CTNNA2: variants seen among roughly 807,000 people sequenced by gnomAD.
CTNNA2 encodes catenin alpha-2.
In CTNNA2, 42 loss-of-function variants were observed where a neutral mutation model predicts 101.0. The ratio of observed to expected loss-of-function variants is 0.42; its 90% CI spans 0.32 to 0.54. The LOEUF (loss-of-function observed/expected upper bound fraction) is 0.54, where lower values mean the gene tolerates loss of function less well. Among genes scored for constraint, CTNNA2 ranks in the 20% least tolerant of loss-of-function variants. The probability of loss-of-function intolerance (pLI) is 0.14; values close to 1 mark genes in which losing one functional copy is unlikely to be tolerated. For synonymous variants in CTNNA2, 450 were observed against 456.4 expected, an observed-to-expected ratio of 0.99 and a Z score of 0.18; for missense variants, 871 against 1,223.1, an observed-to-expected ratio of 0.71 and a Z score of 4.29.
intron 7 of CTNNA2, among the ~76,000 whole-genome samples, chr2:79,987,283 C>T (rs1008486090): frequency 5.3e-5 from 8 of 152,158 alleles, no homozygotes; most frequent in Admixed American, 1.3e-4. Flanking sequence ...TCACACTTCC[C>T]GTGTTCCTCC....
intron 9 of CTNNA2, among the ~76,000 whole-genome samples, chr2:80,528,700 T>C (rs1558552048): frequency 2.6e-5 from 4 of 151,936 alleles, no homozygotes. Context: ...AATAAATAAA[T>C]AAAAATAAAA....
intron 3 of CTNNA2, among the ~76,000 whole-genome samples, chr2:79,821,645 C>T (rs1308073347): frequency 6.6e-6 from 1 of 152,148 alleles, no homozygotes; most frequent in African/African-American, 2.4e-5. Flanking sequence ...ATTTTTACTG[C>T]ATGTCAAATA....
intron 2 of CTNNA2, among the ~76,000 whole-genome samples, chr2:79,700,711 G>C (rs995609855): frequency 6.6e-6 from 1 of 152,188 alleles, no homozygotes; most frequent in Non-Finnish European, 1.5e-5. Flanking sequence ...CCAGGGAATT[G>C]AGGGAATAGA....
intron 2 of CTNNA2, among the ~76,000 whole-genome samples, chr2:79,264,052 A>G (rs2104290429): frequency 6.6e-6 from 1 of 152,334 alleles, no homozygotes. Flanking sequence ...AGCCAGGCAA[A>G]TGTAAAGAAA....
At chr2:79,553,588 G>C (rs1336689764) in intron 1 of CTNNA2, among the ~76,000 whole-genome samples, 1 of 152,190 alleles carries the variant, frequency 6.6e-6, no homozygotes, top group Non-Finnish European at 1.5e-5. Flanking sequence ...TTATAGTTAT[G>C]GTGGAAGGCA....
chr2:79,619,675 T>G (rs746075798), intron 1 of CTNNA2, among the ~76,000 whole-genome samples: 2 of 152,140 alleles, frequency 1.3e-5, no homozygotes, highest in South Asian at 4.1e-4. Context: ...ACGTGTGTCA[T>G]GAAAAATACC....
intron 4 of CTNNA2, among the ~76,000 whole-genome samples, chr2:79,433,003 T>C (rs995887633): frequency 1.3e-5 from 2 of 152,162 alleles, no homozygotes; most frequent in Non-Finnish European, 2.9e-5. Flanking sequence ...TGTTTTCAAA[T>C]AGCAACTGGA....
chr2:79,619,667 G>A (rs1048869038), intron 1 of CTNNA2, among the ~76,000 whole-genome samples: 6 of 152,188 alleles, frequency 3.9e-5, no homozygotes, highest in South Asian at 2.1e-4. Context: ...ATTTCAATAC[G>A]TGTGTCATGA....
chr2:79,581,024 A>G (rs981504460), intron 1 of CTNNA2, among the ~76,000 whole-genome samples: 3 of 152,232 alleles, frequency 2.0e-5, no homozygotes, highest in Admixed American at 6.5e-5. Flanking sequence ...CCTTCTTAAT[A>G]GCTACTCTGA....
intron 4 of CTNNA2, among the ~76,000 whole-genome samples, chr2:79,484,341 A>G (rs1191810488): frequency 3.3e-5 from 5 of 152,178 alleles, no homozygotes; most frequent in African/African-American, 4.8e-5. Flanking sequence ...ATGAGCACTC[A>G]TGTAGATTGC....
chr2:79,703,819 G>A (rs185019918), intron 2 of CTNNA2, among the ~76,000 whole-genome samples: 1 of 152,206 alleles, frequency 6.6e-6, no homozygotes, highest in African/African-American at 2.4e-5. Context: ...TTAACATGCA[G>A]TCCAGAAATA....
chr2:79,948,848 G>T (rs998503121), intron 7 of CTNNA2, among the ~76,000 whole-genome samples: 1 of 152,124 alleles, frequency 6.6e-6, no homozygotes, highest in African/African-American at 2.4e-5. Context: ...GGTGCCTGTA[G>T]TCCCAGCTAC....
At chr2:80,168,095 A>G (rs1348623135) in intron 7 of CTNNA2, among the ~76,000 whole-genome samples, 1 of 152,044 alleles carries the variant, frequency 6.6e-6, no homozygotes, top group Non-Finnish European at 1.5e-5. Context: ...TGTTTATTTC[A>G]TCTCCTGAAT....
intron 7 of CTNNA2, among the ~76,000 whole-genome samples, chr2:79,961,297 C>G (rs1006652699): frequency 6.6e-6 from 1 of 152,094 alleles, no homozygotes; most frequent in Admixed American, 6.6e-5. Flanking sequence ...GCTCATGTTA[C>G]CTTTGTCTCC....
At chr2:80,280,842 GA>G (rs978030587) in intron 7 of CTNNA2, among the ~76,000 whole-genome samples, 16 of 151,794 alleles carry the variant, frequency 1.1e-4, no homozygotes, top group African/African-American at 2.9e-4. Context: ...TATTGTATAA[GA>G]AAAAAAACCA....
chr2:79,355,848 A>G (rs1054213478), intron 3 of CTNNA2, among the ~76,000 whole-genome samples: 2 of 152,096 alleles, frequency 1.3e-5, no homozygotes, highest in African/African-American at 2.4e-5. Context: ...CTGTTGATGG[A>G]CATTTGGGTA....
At chr2:80,547,890 C>G (rs970479130) in intron 11 of CTNNA2, among the ~76,000 whole-genome samples, 4 of 151,896 alleles carry the variant, frequency 2.6e-5, no homozygotes, top group African/African-American at 9.7e-5. Flanking sequence ...CGGGGTTTCT[C>G]CGTGTTGGTC....
In CTNNA2 at chr2:79,827,163, C is replaced by T. The variant is rs184250725; in HGVS notation, c.299-30850C>T. Among the ~76,000 whole-genome samples the T allele has an allele frequency of 1.6e-3, 241 of 152,034 alleles. 1 individual carries two copies. Among genetic ancestry groups the T allele is most frequent in the African/African-American group, 5.1e-3 (212 of 41,466 alleles). Reference sequence around the variant, plus strand: ...AAGTGATTCTTATGCCGCAGCCTCCCGAGTAGCTAGGATTACAGGCGCCCG... The same window carrying T: ...AAGTGATTCTTATGCCGCAGCCTCCTGAGTAGCTAGGATTACAGGCGCCCG... On this transcript the variant is annotated intron_variant, in intron 3 of 18. Coordinates refer to ENST00000402739, the MANE Select transcript of CTNNA2 (RefSeq NM_001282597.3).
chr2:79,535,234 T>G (rs1672983351), intron 1 of CTNNA2, among the ~76,000 whole-genome samples: 1 of 152,146 alleles, frequency 6.6e-6, no homozygotes. Context: ...CTTTTTTTTT[T>G]GAGACTGTCG....
Sources: gnomAD v4.1 joint callset for allele counts (sites outside exome capture counted in the v4.1 genomes callset) on GRCh38, gnomAD v4.1.1 for gene constraint, MANE v1.5 for transcripts, NCBI Gene and HGNC (gene_info 2026-07-23, HGNC 2026-07-21) for gene names.